FAM13B: variants seen among roughly 807,000 people sequenced by gnomAD.
The protein encoded by FAM13B is protein FAM13B.
FAM13B carries 60 observed loss-of-function variants against 117.3 expected under a neutral mutation model. The ratio of observed to expected loss-of-function variants is 0.51; its 90% CI spans 0.42 to 0.63. The LOEUF (loss-of-function observed/expected upper bound fraction) is 0.63. Ranked by LOEUF, FAM13B falls within the 30% of genes least tolerant of loss-of-function variation. FAM13B has a pLI of 0.00. For synonymous variants in FAM13B, 332 were observed against 356.1 expected (o/e 0.93, Z 0.76); for missense variants, 972 against 1,091.9 (o/e 0.89, Z 1.55).
chr5:137,985,162 TATCAGCAAAATACTGA>T (rs1425752105), intron 10 of FAM13B, 79 bp downstream of exon 10: 2 of 1,208,034 alleles, frequency 1.7e-6, no homozygotes, highest in African/African-American at 3.0e-5. Flanking sequence ...CAATTAAGTG[TATCAGCAAAATACTGA>T]ACTATAACTT....
chr5:138,006,535 T>C (rs565147076), intron 7 of FAM13B, among the ~76,000 whole-genome samples: 1 of 152,312 alleles, frequency 6.6e-6, no homozygotes, highest in South Asian at 2.1e-4. Flanking sequence ...ATTTATCGAA[T>C]TTACCCAGCA....
intron 1 of FAM13B, among the ~76,000 whole-genome samples, chr5:138,043,393 T>C (rs979839068): frequency 1.3e-5 from 2 of 152,006 alleles, no homozygotes; most frequent in Non-Finnish European, 2.9e-5. Flanking sequence ...GAATAAATTA[T>C]TGACCTGTGT....
In FAM13B at chr5:137,985,320, G is replaced by T; in HGVS notation, c.1116C>A (p.Ser372Arg). ...SNRDCSKPVA[S>R]TNLDNEAMQQ... ...GCATAGCTTCATTGTCTAAATTAGT[G>T]CTAGCCACAGGTTTTGAACAGTCTC... The change falls in exon 10 of 24, where the codon AGC (serine) becomes AGA (arginine). Residue 372 changes from serine to arginine, a missense_variant. Ser to Arg is a moderately radical substitution (Grantham distance 110). Coordinates refer to ENST00000689681, the MANE Select transcript of FAM13B (RefSeq NM_001385994.1). 1 of 1,613,688 alleles carries T rather than the reference G, an allele frequency of 6.2e-7. No individual in the cohort carries two copies. The highest frequency in any genetic ancestry group is 8.5e-7 in the Non-Finnish European group (1 of 1,179,830).
intron 7 of FAM13B, among the ~76,000 whole-genome samples, chr5:137,998,678 G>C (rs1007004453): frequency 6.6e-6 from 1 of 152,194 alleles, no homozygotes; most frequent in Non-Finnish European, 1.5e-5. Context: ...AAAAACACCT[G>C]AATACTTAAA....
intron 10 of FAM13B, among the ~76,000 whole-genome samples, chr5:137,975,041 A>C (rs1378260231): frequency 2.0e-5 from 3 of 152,202 alleles, no homozygotes; most frequent in Non-Finnish European, 2.9e-5. Context: ...AGCAGAGTTA[A>C]GTAGTTGTGG....
chr5:138,049,103 A>G (rs1006767539), intron 1 of FAM13B, among the ~76,000 whole-genome samples: 4 of 151,196 alleles, frequency 2.6e-5, no homozygotes, highest in Admixed American at 2.0e-4. Context: ...CACCGCGCCC[A>G]GCTAATTTTT....
intron 23 of FAM13B, among the ~76,000 whole-genome samples, chr5:137,941,217 T>C (rs1440421889): frequency 1.3e-5 from 2 of 151,532 alleles, no homozygotes; most frequent in Admixed American, 6.6e-5. Flanking sequence ...CCACTTCAGA[T>C]TTTTTTTTAA....
chr5:138,019,008 T>C lies in FAM13B; in HGVS notation c.104A>G (p.Asp35Gly), dbSNP rs763438579. The change falls in exon 3 of 24, where the codon GAC (aspartate) becomes GGC (glycine). Residue 35 changes from aspartate (D) to glycine (G), a missense_variant. By Grantham distance (94) the Asp-to-Gly change is moderately conservative (BLOSUM62 -1). Coordinates refer to ENST00000689681, the MANE Select transcript of FAM13B (RefSeq NM_001385994.1). ...GCGGACTATGAATGGAACCTCATTG[T>C]CTGGATGTCCTCCCTGCTGCAGCTC... Reference protein sequence around the residue: ...LDELQQGGHPDNEVPFIVRHV... With the variant: ...LDELQQGGHPGNEVPFIVRHV... 6.2e-7 allele frequency: 1 copy of C among 1,614,198 alleles called. No homozygotes were observed. The highest frequency in any genetic ancestry group is 8.5e-7 in the Non-Finnish European group (1 of 1,180,024).
At chr5:137,951,615 T>C (rs1039329735) in intron 17 of FAM13B, among the ~76,000 whole-genome samples, 2 of 152,112 alleles carry the variant, frequency 1.3e-5, no homozygotes, top group South Asian at 2.1e-4. Context: ...GCCATGACCA[T>C]GCTACCACAC....
intron 6 of FAM13B, among the ~76,000 whole-genome samples, chr5:138,009,553 C>T (rs947216039): frequency 1.3e-5 from 2 of 152,026 alleles, no homozygotes; most frequent in African/African-American, 4.8e-5. Flanking sequence ...GCTTGTAACC[C>T]CAGCACTTTG....
intron 1 of FAM13B, among the ~76,000 whole-genome samples, chr5:138,031,844 G>A (rs1468357716): frequency 6.6e-6 from 1 of 152,130 alleles, no homozygotes; most frequent in African/African-American, 2.4e-5. Flanking sequence ...GTTGAAAATA[G>A]CCTCACACTA....
intron 17 of FAM13B, among the ~76,000 whole-genome samples, chr5:137,950,722 C>T (rs564597751): frequency 4.6e-5 from 7 of 151,918 alleles, no homozygotes; most frequent in South Asian, 2.1e-4. Flanking sequence ...ATGCAGCAGA[C>T]GGACTACAGA....
chr5:138,047,823 C>T (rs1360158047), intron 1 of FAM13B, among the ~76,000 whole-genome samples: 1 of 152,212 alleles, frequency 6.6e-6, no homozygotes, highest in Non-Finnish European at 1.5e-5. Context: ...GGCAAGCAAA[C>T]AGATTCTTTC....
rs540602815 is a variant in FAM13B, at chr5:137,997,456, C to T, written c.849-9141G>A. ...TGCACTCCAGCCTGGACAACAAGAG[C>T]GAAACTCCATCTCAAAAAATATATA... On this transcript the variant is annotated intron_variant, in intron 7 of 23. Transcript: ENST00000689681. 3.6e-4 allele frequency among the ~76,000 whole-genome samples: 55 copies of T among 150,726 alleles called. 1 individual carries two copies. The highest frequency in any genetic ancestry group is 2.2e-3 in the Admixed American group (33 of 15,104).
intron 7 of FAM13B, among the ~76,000 whole-genome samples, chr5:137,990,121 C>T (rs752260724): frequency 6.6e-6 from 1 of 152,194 alleles, no homozygotes; most frequent in Non-Finnish European, 1.5e-5. Context: ...ATTTACATTT[C>T]GGTGATCAGC....
chr5:137,980,529 A>G (rs189424150), intron 10 of FAM13B, among the ~76,000 whole-genome samples: 1 of 140,752 alleles, frequency 7.1e-6, no homozygotes, highest in Admixed American at 7.8e-5. Flanking sequence ...TGCAACCTCC[A>G]CCTCCCAGGC....
intron 23 of FAM13B, 34 bp downstream of exon 23, chr5:137,941,910 G>A (rs1306609562): frequency 6.5e-7 from 1 of 1,530,034 alleles, no homozygotes. Context: ...AGTTAGAGAA[G>A]AAAGATGACT....
intron 13 of FAM13B, among the ~76,000 whole-genome samples, chr5:137,957,699 T>G (rs574292894): frequency 6.6e-6 from 1 of 152,350 alleles, no homozygotes; most frequent in African/African-American, 2.4e-5. Flanking sequence ...TGTCTGTAAC[T>G]GTCGGCTTTC....
At chr5:138,019,376 T>C (rs1786066034) in intron 2 of FAM13B, among the ~76,000 whole-genome samples, 1 of 152,222 alleles carries the variant, frequency 6.6e-6, no homozygotes, top group South Asian at 2.1e-4. Flanking sequence ...TGCATACTTA[T>C]CAAACAATAG....
Sources: allele counts gnomAD v4.1 joint callset (sites outside exome capture counted in the v4.1 genomes callset), GRCh38; gene constraint gnomAD v4.1.1; transcripts MANE v1.5; gene names NCBI Gene and HGNC (gene_info 2026-07-23, HGNC 2026-07-21).